Variants in CNTN5 observed in about 807,000 individuals in gnomAD.
The protein encoded by CNTN5 is contactin 5.
CNTN5 carries 77 observed loss-of-function variants against 129.1 expected under a neutral mutation model. The ratio of observed to expected loss-of-function variants is 0.60; its 90% CI spans 0.50 to 0.72. The LOEUF is 0.72. Among genes scored for constraint, CNTN5 ranks in the 30% least tolerant of loss-of-function variants. The pLI, the probability that CNTN5 is intolerant of heterozygous loss-of-function variation, is 0.00. For synonymous variants in CNTN5, 509 were observed against 465.6 expected (o/e 1.09, Z -1.20); for missense variants, 1,478 against 1,328.8 (o/e 1.11, Z -1.75).
chr11:99,677,857 C>T (rs980265797), intron 3 of CNTN5, among the ~76,000 whole-genome samples: 1 of 152,028 alleles, frequency 6.6e-6, no homozygotes, highest in Admixed American at 6.6e-5. Flanking sequence ...CTCATGACCT[C>T]GCAATTACCA....
At chr11:99,793,885 A>G (rs1434897486) in intron 3 of CNTN5, among the ~76,000 whole-genome samples, 1 of 152,184 alleles carries the variant, frequency 6.6e-6, no homozygotes, top group African/African-American at 2.4e-5. Context: ...AGAATACATA[A>G]TCTATTGTTT....
At chr11:100,080,499 T>C (rs1944318328) in intron 13 of CNTN5, among the ~76,000 whole-genome samples, 1 of 152,114 alleles carries the variant, frequency 6.6e-6, no homozygotes, top group Non-Finnish European at 1.5e-5. Flanking sequence ...ATGATGAAGC[T>C]CACATACTGA....
chr11:99,393,239 A>G (rs1017096288), intron 2 of CNTN5, among the ~76,000 whole-genome samples: 8 of 151,806 alleles, frequency 5.3e-5, no homozygotes, highest in East Asian at 1.9e-4. Flanking sequence ...ACAGGAAGAC[A>G]TAAGAAATTG....
intron 13 of CNTN5, among the ~76,000 whole-genome samples, chr11:100,114,759 C>T (rs1945783063): frequency 6.6e-6 from 1 of 152,044 alleles, no homozygotes; most frequent in South Asian, 2.1e-4. Flanking sequence ...CTTTAAGACT[C>T]AATTTACATG....
chr11:99,479,408 T>G (rs1213447093), intron 2 of CNTN5, among the ~76,000 whole-genome samples: 1 of 152,094 alleles, frequency 6.6e-6, no homozygotes, highest in Non-Finnish European at 1.5e-5. Context: ...ACCCTTTGAC[T>G]GGTTTTACTT....
At chr11:99,388,352 T>C (rs1338320584) in intron 2 of CNTN5, among the ~76,000 whole-genome samples, 1 of 143,398 alleles carries the variant, frequency 7.0e-6, no homozygotes, top group Non-Finnish European at 1.5e-5. Context: ...GAAGCAGAGG[T>C]TGTAGTGAGC....
chr11:99,047,415 A>G (rs7122409), intron 1 of CNTN5, among the ~76,000 whole-genome samples: 1 of 150,806 alleles, frequency 6.6e-6, no homozygotes, highest in East Asian at 2.0e-4. Flanking sequence ...GTGTATGTGT[A>G]TGGCGTGTGT....
intron 1 of CNTN5, among the ~76,000 whole-genome samples, chr11:99,214,751 C>T (rs975891808): frequency 6.6e-6 from 1 of 152,036 alleles, no homozygotes; most frequent in African/African-American, 2.4e-5. Context: ...AATCTTCAGA[C>T]TGACAAAAAA....
chr11:99,065,428 A>T (rs1240929315), intron 1 of CNTN5, among the ~76,000 whole-genome samples: 1 of 152,186 alleles, frequency 6.6e-6, no homozygotes, highest in Non-Finnish European at 1.5e-5. Flanking sequence ...AAGTCTTGAG[A>T]TTAGAAACAA....
intron 3 of CNTN5, among the ~76,000 whole-genome samples, chr11:99,763,203 T>G (rs1311775910): frequency 6.6e-6 from 1 of 152,124 alleles, no homozygotes; most frequent in Non-Finnish European, 1.5e-5. Context: ...GTGTATCAGT[T>G]TTTCACTTGT....
chr11:99,511,506 G>A (rs551485716), intron 2 of CNTN5, among the ~76,000 whole-genome samples: 8,046 of 150,784 alleles, frequency 0.053, 216 homozygotes, highest in South Asian at 0.071. Context: ...GTGCTGAAAA[G>A]AATGTATATT....
At chr11:99,659,388 A>G (rs1952512838) in intron 3 of CNTN5, among the ~76,000 whole-genome samples, 2 of 152,280 alleles carry the variant, frequency 1.3e-5, no homozygotes, top group South Asian at 2.1e-4. Flanking sequence ...AACAAATTTT[A>G]TGTTTAAGCT....
chr11:99,021,470 G>A (rs1862866431), intron 1 of CNTN5, among the ~76,000 whole-genome samples, 200 bp downstream of exon 1: 1 of 152,096 alleles, frequency 6.6e-6, no homozygotes. Flanking sequence ...GGGATTTTAT[G>A]GCAAAAAGTT....
At chr11:100,268,893 C>T (rs180808004) in intron 17 of CNTN5, among the ~76,000 whole-genome samples, 144 of 152,126 alleles carry the variant, frequency 9.5e-4, no homozygotes, top group African/African-American at 1.9e-3. Flanking sequence ...ATAAGAATAC[C>T]GCAGAAATCT....
At chr11:99,819,958 A>G (rs1428494716) in intron 4 of CNTN5, among the ~76,000 whole-genome samples, 193 bp downstream of exon 4, 2 of 152,234 alleles carry the variant, frequency 1.3e-5, no homozygotes, top group Non-Finnish European at 2.9e-5. Context: ...TAGGGGAGAT[A>G]CTGGTAAATG....
chr11:99,962,057 T>A (rs1283146615), intron 8 of CNTN5, among the ~76,000 whole-genome samples: 1 of 152,186 alleles, frequency 6.6e-6, no homozygotes. Context: ...TTCTTGTGCT[T>A]ATAGAGTGAT....
chr11:99,512,250 T>G (rs937045717), intron 2 of CNTN5, among the ~76,000 whole-genome samples: 1 of 152,188 alleles, frequency 6.6e-6, no homozygotes, highest in African/African-American at 2.4e-5. Flanking sequence ...ATGCGTAAGG[T>G]TACTAACCAT....
chr11:99,365,588 G>A (rs927773438), intron 2 of CNTN5, among the ~76,000 whole-genome samples: 1 of 152,068 alleles, frequency 6.6e-6, no homozygotes, highest in African/African-American at 2.4e-5. Context: ...TGTAATAAAT[G>A]CTCTCTTGGT....
intron 7 of CNTN5, among the ~76,000 whole-genome samples, chr11:99,938,848 T>C (rs77077734): frequency 0.012 from 1,859 of 152,220 alleles, 22 homozygotes; most frequent in Non-Finnish European, 0.02. Flanking sequence ...GTCTAGGTGA[T>C]AGAAATAATA....
Sources: allele counts gnomAD v4.1 joint callset (sites outside exome capture counted in the v4.1 genomes callset), GRCh38; gene constraint gnomAD v4.1.1; transcripts MANE v1.5; gene names NCBI Gene and HGNC (gene_info 2026-07-23, HGNC 2026-07-21).